Variants in MTUS1 observed in about 807,000 individuals in gnomAD.
MTUS1 encodes microtubule-associated tumor suppressor 1.
Under a neutral mutation model 120.8 loss-of-function variants are expected in MTUS1, and 109 were observed. The observed-to-expected ratio is 0.90, with a 90% CI of 0.77 to 1.06. The LOEUF is 1.06. MTUS1 is among the 50% of genes least tolerant of loss of function. The pLI, the probability that MTUS1 is intolerant of heterozygous loss-of-function variation, is 0.00. For synonymous variants in MTUS1, 737 were observed against 550.5 expected (o/e 1.34, Z -4.74); for missense variants, 2,210 against 1,486.3 (o/e 1.49, Z -8.01).
chr8:17,661,405 T>C (rs1241767710), intron 8 of MTUS1, among the ~76,000 whole-genome samples: 2 of 152,226 alleles, frequency 1.3e-5, no homozygotes, highest in South Asian at 2.1e-4. Context: ...GACAGAAACA[T>C]CTAAGTGAAC....
chr8:17,743,175 T>A (rs1250478435), intron 3 of MTUS1, among the ~76,000 whole-genome samples: 1 of 152,114 alleles, frequency 6.6e-6, no homozygotes, highest in Non-Finnish European at 1.5e-5. Flanking sequence ...GTCACCCTCA[T>A]ATCCCTCCTA....
At chr8:17,719,940 C>T (rs989843857) in intron 4 of MTUS1, among the ~76,000 whole-genome samples, 2 of 152,188 alleles carry the variant, frequency 1.3e-5, no homozygotes, top group Non-Finnish European at 2.9e-5. Flanking sequence ...TTTGTTGCTG[C>T]AAGGACTTTG....
At chr8:17,670,762 A>C (rs7001283) in intron 8 of MTUS1, among the ~76,000 whole-genome samples, 1 of 151,998 alleles carries the variant, frequency 6.6e-6, no homozygotes, top group Non-Finnish European at 1.5e-5. Flanking sequence ...GGCAGAGGTC[A>C]CAGTGAGCCG....
At chr8:17,724,158 C>T (rs751513191) in intron 3 of MTUS1, 4 of 476,890 alleles carry the variant, frequency 8.4e-6, no homozygotes, top group Non-Finnish European at 1.2e-5. Flanking sequence ...CAGCTTTTGG[C>T]AAAACTGAAA....
chr8:17,745,751 G>T (rs756414763), intron 2 of MTUS1, among the ~76,000 whole-genome samples: 7 of 152,106 alleles, frequency 4.6e-5, no homozygotes, highest in Non-Finnish European at 8.8e-5. Flanking sequence ...GCTCTTTCCT[G>T]GTTTTCCTTC....
intron 1 of MTUS1, among the ~76,000 whole-genome samples, chr8:17,766,683 G>C (rs190748969): frequency 6.6e-6 from 1 of 152,258 alleles, no homozygotes; most frequent in Admixed American, 6.5e-5. Context: ...TTGTTGTGGG[G>C]TCTGAGAATG....
intron 8 of MTUS1, among the ~76,000 whole-genome samples, chr8:17,670,814 C>A (rs1359359477): frequency 7.0e-6 from 1 of 143,584 alleles, no homozygotes; most frequent in East Asian, 1.9e-4. Context: ...AGAGCAAGAC[C>A]CTGTCTTTAA....
chr8:17,756,671 A>ACCCCCCCCCCCCC (rs1177055386), intron 1 of MTUS1, among the ~76,000 whole-genome samples: 8 of 117,484 alleles, frequency 6.8e-5, no homozygotes, highest in South Asian at 7.8e-4. Flanking sequence ...TCAAGCCCAA[A>ACCCCCCCCCCCCC]CCCCCACCCC....
intron 1 of MTUS1, among the ~76,000 whole-genome samples, chr8:17,795,775 G>A (rs1228175453): frequency 6.6e-6 from 1 of 151,658 alleles, no homozygotes; most frequent in Non-Finnish European, 1.5e-5. Flanking sequence ...ACGTAGCGGG[G>A]ATATAAGCAC....
At chr8:17,726,480 G>C (rs1278909251) in intron 3 of MTUS1, among the ~76,000 whole-genome samples, 2 of 152,154 alleles carry the variant, frequency 1.3e-5, no homozygotes, top group Non-Finnish European at 2.9e-5. Flanking sequence ...GTCTAGCATG[G>C]AGTGAGACTT....
chr8:17,778,765 C>T (rs974758863), intron 1 of MTUS1, among the ~76,000 whole-genome samples: 5 of 152,118 alleles, frequency 3.3e-5, no homozygotes, highest in African/African-American at 1.2e-4. Context: ...GCTGAGATAG[C>T]ACCACTGCAT....
At chr8:17,697,391 G>A (rs551097621) in intron 6 of MTUS1, 1 of 1,613,262 alleles carries the variant, frequency 6.2e-7, no homozygotes, top group African/African-American at 1.3e-5. Context: ...TTCGGAGCAG[G>A]TGGCGAGATT....
chr8:17,654,717 A>G (rs1320253429), intron 9 of MTUS1, 51 bp from the exon 10 acceptor site: 1 of 1,328,262 alleles, frequency 7.5e-7, no homozygotes, highest in South Asian at 1.2e-5. Context: ...AAATGTCCTA[A>G]GTTGAATACG....
chr8:17,666,735 G>A (rs1179908476), intron 8 of MTUS1, among the ~76,000 whole-genome samples: 1 of 152,216 alleles, frequency 6.6e-6, no homozygotes, highest in African/African-American at 2.4e-5. Context: ...AGGTCAGGAA[G>A]AGGGATCACC....
intron 4 of MTUS1, among the ~76,000 whole-genome samples, chr8:17,723,024 C>T (rs1585960440): frequency 6.6e-6 from 1 of 152,182 alleles, no homozygotes; most frequent in South Asian, 2.1e-4. Context: ...TCTTTTATAT[C>T]CTGTGCTCCT....
At position 17,655,794 on chromosome 8, in the gene MTUS1, G is replaced by T. The variant is rs186603068; in HGVS notation, c.3108+69C>A. 3.0e-6 allele frequency: 4 copies of T among 1,346,606 alleles called. No homozygotes were observed. In the African/African-American group the frequency reaches 5.8e-5, roughly 19 times the overall value. 83.4% of individuals were successfully genotyped at this position (1,346,606 alleles called of 1,614,324 possible). On this transcript the variant is annotated intron_variant, in intron 9 of 14. Coordinates refer to ENST00000693296, the MANE Select transcript of MTUS1 (RefSeq NM_001363059.2). ...CTAAAAAAGAGAAGCTCATCAAGAT[G>T]TGAAGAGCAACCAGGATTCAAGTAA...
intron 13 of MTUS1, 77 bp downstream of exon 13, chr8:17,649,769 A>G: frequency 1.3e-6 from 1 of 782,262 alleles, no homozygotes; most frequent in South Asian, 1.5e-5. Context: ...CCAACTCCAC[A>G]GTTCTAAAAT....
At chr8:17,689,055 C>T (rs1816422962) in intron 6 of MTUS1, among the ~76,000 whole-genome samples, 2 of 152,022 alleles carry the variant, frequency 1.3e-5, no homozygotes, top group African/African-American at 4.8e-5. Flanking sequence ...ACTAAAAATA[C>T]AAAAAGTTAG....
intron 1 of MTUS1, among the ~76,000 whole-genome samples, chr8:17,758,814 T>C (rs961351259): frequency 3.9e-5 from 6 of 152,260 alleles, no homozygotes; most frequent in Non-Finnish European, 7.3e-5. Flanking sequence ...TTTCCTCTTC[T>C]GAAGTGCATA....
Sources: allele counts gnomAD v4.1 joint callset (sites outside exome capture counted in the v4.1 genomes callset), GRCh38; gene constraint gnomAD v4.1.1; transcripts MANE v1.5; gene names NCBI Gene and HGNC (gene_info 2026-07-23, HGNC 2026-07-21).